Variants in COLGALT2 observed in about 807,000 individuals in gnomAD.
COLGALT2 encodes collagen beta(1-O)galactosyltransferase 2.
In COLGALT2, 49 loss-of-function variants were observed where a neutral mutation model predicts 73.4. The observed-to-expected ratio is 0.67, with a 90% CI of 0.53 to 0.85. The LOEUF is 0.85. Among genes scored for constraint, COLGALT2 ranks in the 40% least tolerant of loss-of-function variants. The probability of loss-of-function intolerance (pLI) is 0.00; values close to 1 mark genes in which losing one functional copy is unlikely to be tolerated. For missense variants in COLGALT2, 722 were observed against 790.2 expected (o/e 0.91, Z 1.03); for synonymous variants, 295 against 307.6 (o/e 0.96, Z 0.43).
intron 5 of COLGALT2, among the ~76,000 whole-genome samples, chr1:183,966,972 C>T (rs968928028): frequency 1.3e-5 from 2 of 152,190 alleles, no homozygotes; most frequent in Non-Finnish European, 2.9e-5. Flanking sequence ...AGATGATACA[C>T]AGCTAGGGAG....
intron 1 of COLGALT2, among the ~76,000 whole-genome samples, chr1:184,011,592 G>T (rs1419693741): frequency 3.9e-5 from 6 of 152,192 alleles, no homozygotes; most frequent in Non-Finnish European, 8.8e-5. Flanking sequence ...GTTCCAATCG[G>T]CTGTTATGCT....
intron 1 of COLGALT2, among the ~76,000 whole-genome samples, chr1:184,029,685 T>C (rs56786450): frequency 0.16 from 24,679 of 152,252 alleles, 2,225 homozygotes; most frequent in East Asian, 0.26. Flanking sequence ...TTTGGATAAA[T>C]ATTACACCTC....
downstream of COLGALT2, among the ~76,000 whole-genome samples, chr1:183,932,533 G>A (rs889026960): frequency 2.6e-5 from 4 of 152,118 alleles, no homozygotes; most frequent in South Asian, 2.1e-4. Flanking sequence ...GGGCTTCCAC[G>A]TGTGGAACGG....
At chr1:183,966,228 T>C (rs1670867683) in intron 5 of COLGALT2, among the ~76,000 whole-genome samples, 1 of 152,184 alleles carries the variant, frequency 6.6e-6, no homozygotes, top group Admixed American at 6.5e-5. Flanking sequence ...TATTAATAAT[T>C]AGATAAAGTC....
chr1:183,949,674 A>G (rs1295831197), intron 8 of COLGALT2, among the ~76,000 whole-genome samples: 1 of 152,256 alleles, frequency 6.6e-6, no homozygotes, highest in Non-Finnish European at 1.5e-5. Context: ...GAAATTGACA[A>G]TGGATTCTTA....
At chr1:184,026,090 G>A (rs951898758) in intron 1 of COLGALT2, among the ~76,000 whole-genome samples, 1 of 152,214 alleles carries the variant, frequency 6.6e-6, no homozygotes, top group Non-Finnish European at 1.5e-5. Context: ...GAGAAACTAA[G>A]TGACTTGCTC....
intron 11 of COLGALT2, among the ~76,000 whole-genome samples, chr1:183,940,216 T>A (rs1391859004): frequency 2.0e-5 from 3 of 152,204 alleles, no homozygotes; most frequent in African/African-American, 7.2e-5. Context: ...CAGTACCCAA[T>A]GACCTGAGCC....
intron 1 of COLGALT2, among the ~76,000 whole-genome samples, chr1:184,031,331 G>C (rs137866952): frequency 6.6e-6 from 1 of 152,256 alleles, no homozygotes; most frequent in Admixed American, 6.5e-5. Context: ...CAAGTGACCT[G>C]CATATTTATG....
rs530308018 is a variant in COLGALT2 at position 183,952,772 on chromosome 1, G to A, written c.1030-1659C>T. On this transcript the variant is annotated intron_variant, in intron 7 of 11. Coordinates refer to ENST00000361927, the MANE Select transcript of COLGALT2 (RefSeq NM_015101.4). ...GCATCCTAATTTTACTACCTTCCTT[G>A]TTTACCTAACTGGGTAATTATTTTG... Among the ~76,000 whole-genome samples the A allele has an allele frequency of 8.8e-4, 134 of 152,288 alleles. 1 individual carries two copies. The highest frequency in any genetic ancestry group is 6.8e-3 in the Middle Eastern group (2 of 294).
At position 183,973,711 on chromosome 1, in the gene COLGALT2, G is replaced by C. The variant is rs1307243534; in HGVS notation, c.532C>G (p.Leu178Val). ...TTGTTTTCTGCAATCAGTAGATTGAGGGTCTGTGGATTAGTCAGGAAATTG... is the reference window on the plus strand; with the variant it reads ...TTGTTTTCTGCAATCAGTAGATTGACGGTCTGTGGATTAGTCAGGAAATTG... ...VDNFLTNPQT[L>V]NLLIAENKTI... Residue 178 changes from leucine (L) to valine (V), a missense_variant, in exon 4 of 12, where the codon CTC (leucine) becomes GTC (valine). Leu to Val is a conservative substitution (Grantham distance 32). Transcript: ENST00000361927. 1 of 1,613,748 alleles carries C rather than the reference G, an allele frequency of 6.2e-7. No individual in the cohort carries two copies.
rs10911479 is a variant in COLGALT2, at chr1:183,984,992, G to T, written c.264-6472C>A. Among the ~76,000 whole-genome samples the T allele has an allele frequency of 7.4e-5, 11 of 147,826 alleles. No homozygotes were observed. The South Asian group carries it at 1.1e-3, about 15-fold the overall frequency. ...TGTCTGCAGGATGAGACGCTTTACT[G>T]CTTGGCTGTGGAAAAAAAAATTGAG... On this transcript the variant is annotated intron_variant, in intron 1 of 11. Coordinates refer to ENST00000361927, the MANE Select transcript of COLGALT2 (RefSeq NM_015101.4).
chr1:183,986,977 C>T (rs1188276265), intron 1 of COLGALT2, among the ~76,000 whole-genome samples: 3 of 152,150 alleles, frequency 2.0e-5, no homozygotes, highest in Non-Finnish European at 4.4e-5. Context: ...TGGAAGTTCT[C>T]TACCTTGTCA....
At chr1:183,941,954 C>CT (rs34285270) in intron 10 of COLGALT2, among the ~76,000 whole-genome samples, 3,395 of 142,740 alleles carry the variant, frequency 0.024, 80 homozygotes, top group African/African-American at 0.064. Flanking sequence ...CGACAGTTTA[C>CT]TTTTTTTTTT....
At chr1:184,018,555 T>C (rs1488248284) in intron 1 of COLGALT2, among the ~76,000 whole-genome samples, 1 of 152,214 alleles carries the variant, frequency 6.6e-6, no homozygotes, top group Non-Finnish European at 1.5e-5. Flanking sequence ...ATCTTAACAA[T>C]AATTTTATTC....
At chr1:183,951,682 A>G (rs1670406003) in intron 7 of COLGALT2, among the ~76,000 whole-genome samples, 1 of 152,188 alleles carries the variant, frequency 6.6e-6, no homozygotes, top group Non-Finnish European at 1.5e-5. Context: ...TAAAACACTG[A>G]TGGAAAAAAA....
downstream of COLGALT2, chr1:183,935,775 G>A: frequency 1.2e-6 from 1 of 827,620 alleles, no homozygotes. Context: ...GGCAGACCTG[G>A]TAATCTCTGC....
At chr1:183,970,909 T>C (rs762129512) in intron 4 of COLGALT2, among the ~76,000 whole-genome samples, 30 of 152,198 alleles carry the variant, frequency 2.0e-4, no homozygotes, top group Non-Finnish European at 3.4e-4. Flanking sequence ...TTCCAAGAGA[T>C]AAAGGGGACT....
intron 1 of COLGALT2, among the ~76,000 whole-genome samples, chr1:184,007,455 A>G (rs1672116083): frequency 6.6e-6 from 1 of 152,248 alleles, no homozygotes; most frequent in Admixed American, 6.5e-5. Context: ...TTTCTACAAT[A>G]CATAAAATCA....
chr1:184,031,817 A>ATCCATCCTTCCTTCCTTCCT (rs369842594), intron 1 of COLGALT2, among the ~76,000 whole-genome samples: 10 of 139,306 alleles, frequency 7.2e-5, no homozygotes, highest in Admixed American at 1.4e-4. Context: ...CCATGAATGT[A>ATCCATCCTTCCTTCCTTCCT]TCCTTCCTTC....
Sources: gnomAD v4.1 joint callset for allele counts (sites outside exome capture counted in the v4.1 genomes callset) on GRCh38, gnomAD v4.1.1 for gene constraint, MANE v1.5 for transcripts, NCBI Gene and HGNC (gene_info 2026-07-23, HGNC 2026-07-21) for gene names.